Variants in EXOC4 observed in about 807,000 individuals in gnomAD.
EXOC4 encodes exocyst complex component 4.
EXOC4 carries 71 observed loss-of-function variants against 107.2 expected under a neutral mutation model. The observed-to-expected ratio is 0.66, with a 90% CI of 0.55 to 0.81. The LOEUF (loss-of-function observed/expected upper bound fraction) is 0.81, where lower values mean the gene tolerates loss of function less well. Ranked by LOEUF, EXOC4 falls within the 30% of genes least tolerant of loss-of-function variation. EXOC4 has a pLI of 0.00. For synonymous variants in EXOC4, 456 were observed against 441.2 expected (o/e 1.03, Z -0.42); for missense variants, 1,108 against 1,189.6 (o/e 0.93, Z 1.01).
intron 4 of EXOC4, among the ~76,000 whole-genome samples, chr7:133,315,801 C>T (rs1794978233): frequency 6.6e-6 from 1 of 152,102 alleles, no homozygotes; most frequent in South Asian, 2.1e-4. Flanking sequence ...TTCACATTAG[C>T]CTGTGAGTGA....
intron 10 of EXOC4, among the ~76,000 whole-genome samples, chr7:133,652,875 G>A (rs2151036539): frequency 6.6e-6 from 1 of 152,108 alleles, no homozygotes; most frequent in East Asian, 1.9e-4. Context: ...TACAGACCAC[G>A]TGCTATATTA....
At chr7:133,427,193 G>T (rs144249406) in intron 7 of EXOC4, among the ~76,000 whole-genome samples, 1 of 152,086 alleles carries the variant, frequency 6.6e-6, no homozygotes, top group South Asian at 2.1e-4. Flanking sequence ...GATGAGTGTG[G>T]GATTGAGTCT....
At chr7:133,795,687 C>T (rs185136463) in intron 10 of EXOC4, among the ~76,000 whole-genome samples, 14 of 152,176 alleles carry the variant, frequency 9.2e-5, no homozygotes, top group South Asian at 2.1e-4. Context: ...AAAGATAAAA[C>T]ACCAAGTATC....
intron 6 of EXOC4, among the ~76,000 whole-genome samples, chr7:133,360,314 G>A (rs1796108770): frequency 2.0e-5 from 3 of 152,212 alleles, no homozygotes; most frequent in Admixed American, 2.0e-4. Flanking sequence ...GTGGTATCTT[G>A]TCAAGAATAT....
chr7:133,596,911 G>A (rs1026028618), intron 9 of EXOC4, among the ~76,000 whole-genome samples: 4 of 152,124 alleles, frequency 2.6e-5, no homozygotes, highest in East Asian at 1.9e-4. Flanking sequence ...ACTTCGGGTC[G>A]GCCTCCCATG....
At position 133,467,395 on chromosome 7, in the gene EXOC4, T is replaced by A. The variant is rs960797119; in HGVS notation, c.1183-7933T>A. Among the ~76,000 whole-genome samples, 265 of 152,158 alleles carry A rather than the reference T, an allele frequency of 1.7e-3. 1 individual carries two copies. Among genetic ancestry groups the A allele is most frequent in the African/African-American group, 6.0e-3 (248 of 41,534 alleles). On this transcript the variant is annotated intron_variant, in intron 7 of 17. Coordinates refer to ENST00000253861, the MANE Select transcript of EXOC4 (RefSeq NM_021807.4). ...GTCGGTTGTCTCTTCTTGCTCTCCT[T>A]CCTTTATAGGATTTTCCTGATCATT...
At chr7:133,405,784 G>A (rs1276080474) in intron 7 of EXOC4, among the ~76,000 whole-genome samples, 1 of 152,140 alleles carries the variant, frequency 6.6e-6, no homozygotes, top group Non-Finnish European at 1.5e-5. Flanking sequence ...ATGTGAATAT[G>A]CGCTTGGGAA....
chr7:133,459,540 G>A (rs888509491), intron 7 of EXOC4, among the ~76,000 whole-genome samples: 1 of 152,180 alleles, frequency 6.6e-6, no homozygotes. Flanking sequence ...CCTCATGGGG[G>A]CAGAAGTGGG....
chr7:133,914,089 AG>A (rs1368318385), intron 12 of EXOC4, among the ~76,000 whole-genome samples: 1 of 152,258 alleles, frequency 6.6e-6, no homozygotes, highest in East Asian at 1.9e-4. Context: ...TAATGGTTCT[AG>A]AACCCTGACT....
At chr7:133,257,086 T>C (rs1480802105) in intron 1 of EXOC4, among the ~76,000 whole-genome samples, 2 of 152,230 alleles carry the variant, frequency 1.3e-5, no homozygotes, top group African/African-American at 4.8e-5. Flanking sequence ...AAGGGTGGAC[T>C]TCCAGGGCTT....
chr7:134,052,709 T>TAAATGAAAAAACTG (rs1795826214), intron 17 of EXOC4, among the ~76,000 whole-genome samples: 1 of 152,336 alleles, frequency 6.6e-6, no homozygotes, highest in African/African-American at 2.4e-5. Context: ...ATCCCATGCT[T>TAAATGAAAAAACTG]AAATGAAAAA....
the EXOC4 span, among the ~76,000 whole-genome samples, chr7:134,097,886 G>A: frequency 5.9e-5 from 9 of 152,144 alleles, no homozygotes; most frequent in Non-Finnish European, 1.0e-4. Context: ...CTGGAAATCC[G>A]ACTTGGATCA....
At chr7:133,875,358 A>C (rs1024324811) in intron 11 of EXOC4, among the ~76,000 whole-genome samples, 9 of 152,208 alleles carry the variant, frequency 5.9e-5, no homozygotes, top group Non-Finnish European at 1.2e-4. Flanking sequence ...CAGAAAGATA[A>C]GTTTGAAGAC....
chr7:133,607,571 A>G (rs1178885147), intron 9 of EXOC4, among the ~76,000 whole-genome samples: 1 of 152,202 alleles, frequency 6.6e-6, no homozygotes, highest in Non-Finnish European at 1.5e-5. Context: ...ATAAATAATT[A>G]TAGGGCAACA....
chr7:133,787,966 TATATATATATATATA>T (rs1796618886), intron 10 of EXOC4, among the ~76,000 whole-genome samples: 5 of 16,492 alleles, frequency 3.0e-4, no homozygotes, highest in African/African-American at 8.6e-4. Context: ...TATATATTTA[TATATATATATATATA>T]TATATATATA....
chr7:133,695,712 T>C (rs1260151142), intron 10 of EXOC4, among the ~76,000 whole-genome samples: 1 of 152,204 alleles, frequency 6.6e-6, no homozygotes, highest in Non-Finnish European at 1.5e-5. Context: ...ATTGTTGCAG[T>C]GATATAGAGA....
At chr7:134,013,340 A>C (rs1349056956) in intron 17 of EXOC4, among the ~76,000 whole-genome samples, 2 of 152,192 alleles carry the variant, frequency 1.3e-5, no homozygotes, top group Non-Finnish European at 2.9e-5. Flanking sequence ...ATAGAGATAC[A>C]TTCTGTGAAA....
intron 3 of EXOC4, among the ~76,000 whole-genome samples, chr7:133,305,148 T>G (rs1189840471): frequency 6.6e-6 from 1 of 152,056 alleles, no homozygotes; most frequent in African/African-American, 2.4e-5. Flanking sequence ...GAATCCTTCA[T>G]GTTCTCCATT....
Position 134,064,567 on chromosome 7 carries a change from C to A in EXOC4, c.*39C>A. On this transcript the variant is annotated 3_prime_UTR_variant, in exon 18 of 18. Coordinates refer to ENST00000253861, the MANE Select transcript of EXOC4 (RefSeq NM_021807.4). ...GGTTGGTGACGGGGGTCCCCTCAGTCACACTCACTTTTTTCCTTGGTATGT... is the reference window on the plus strand; with the variant it reads ...GGTTGGTGACGGGGGTCCCCTCAGTAACACTCACTTTTTTCCTTGGTATGT... 1.4e-6 allele frequency: 2 copies of A among 1,401,522 alleles called. No individual in the cohort carries two copies. Among genetic ancestry groups the A allele is most frequent in the South Asian group, 2.6e-5 (2 of 77,612 alleles). The allele number at this position is 1,401,522 out of a possible 1,614,324, so 86.8% of individuals were successfully genotyped here. A position where few individuals can be genotyped will look rare whatever the true frequency, so the allele number is the denominator to read the frequency against.
Sources: allele counts gnomAD v4.1 joint callset (sites outside exome capture counted in the v4.1 genomes callset), GRCh38; gene constraint gnomAD v4.1.1; transcripts MANE v1.5; gene names NCBI Gene and HGNC (gene_info 2026-07-23, HGNC 2026-07-21).